The following MEGF6 variants were observed in gnomAD, a reference collection of about 807,000 sequenced individuals.
The protein encoded by MEGF6 is multiple epidermal growth factor-like domains protein 6.
In MEGF6, 184 loss-of-function variants were observed where a neutral mutation model predicts 207.1. The observed-to-expected ratio is 0.89, with a 90% CI of 0.79 to 1.00. The LOEUF is 1.00. MEGF6 is among the 50% of genes least tolerant of loss of function. The probability of loss-of-function intolerance (pLI) is 0.00; values close to 1 mark genes in which losing one functional copy is unlikely to be tolerated. For synonymous variants in MEGF6, 1,038 were observed against 910.0 expected (o/e 1.14, Z -2.53); for missense variants, 2,282 against 2,202.9 (o/e 1.04, Z -0.72).
intron 11 of MEGF6, 141 bp downstream of exon 11, chr1:3,509,729 G>A (rs1641261952): frequency 8.4e-7 from 1 of 1,192,456 alleles, no homozygotes; most frequent in Non-Finnish European, 1.1e-6. Flanking sequence ...AGCCTCTGAG[G>A]TGTGTTGGCC....
chr1:3,618,735 C>T, the MEGF6 span, among the ~76,000 whole-genome samples: 1 of 152,186 alleles, frequency 6.6e-6, no homozygotes, highest in Non-Finnish European at 1.5e-5. This position sits in a 1 kb window ranked among gnomAD's most constrained non-coding sequence, Gnocchi z 4.7. Flanking sequence ...TGCCAGCCCT[C>T]GTACACAGCC....
intron 1 of MEGF6, among the ~76,000 whole-genome samples, chr1:3,604,706 CT>C (rs1644216574): frequency 6.6e-6 from 1 of 152,172 alleles, no homozygotes; most frequent in Non-Finnish European, 1.5e-5. Context: ...CAGTGACCCC[CT>C]GATCTGCTCA....
rs951164248 is a variant in MEGF6, at chr1:3,594,310, T to C, written c.376+1028A>G. On this transcript the variant is annotated intron_variant, in intron 3 of 36. Coordinates refer to ENST00000356575, the MANE Select transcript of MEGF6 (RefSeq NM_001409.4). This position sits in a 1 kb window ranked among gnomAD's most constrained non-coding sequence, Gnocchi z 4.2. ...CAAGCGTGGTGGTGCACACCTACAGTCTCAGCCACTCGGGAGGCTGAGGTG... is the reference window on the plus strand; with the variant it reads ...CAAGCGTGGTGGTGCACACCTACAGCCTCAGCCACTCGGGAGGCTGAGGTG... 3.7e-4 allele frequency among the ~76,000 whole-genome samples: 56 copies of C among 152,304 alleles called. No homozygotes were observed. The highest frequency in any genetic ancestry group is 1.3e-3 in the African/African-American group (55 of 41,566).
chr1:3,601,466 G>A (rs1395934672), intron 2 of MEGF6, among the ~76,000 whole-genome samples: 1 of 152,190 alleles, frequency 6.6e-6, no homozygotes, highest in African/African-American at 2.4e-5. Flanking sequence ...CTGAACCTCA[G>A]CCCTCCTGAG....
chr1:3,493,969 G>T lies in MEGF6; in HGVS notation c.4258+27C>A, dbSNP rs1640488137. 1.9e-6 allele frequency: 3 copies of T among 1,587,380 alleles called. No individual in the cohort carries two copies. The East Asian group carries it at 6.9e-5, about 36-fold the overall frequency. On this transcript the variant is annotated intron_variant, in intron 33 of 36. Coordinates refer to ENST00000356575, the MANE Select transcript of MEGF6 (RefSeq NM_001409.4). ...CAGACGGGACGGGGCCAGGGAGCGG[G>T]GGTTCAGGGAGGCACCAAGCACTCA...
In MEGF6 at chr1:3,610,424, A is replaced by C. The variant is rs113036045; in HGVS notation, c.131+714T>G. On this transcript the variant is annotated intron_variant, in intron 1 of 36. Coordinates refer to ENST00000356575, the MANE Select transcript of MEGF6 (RefSeq NM_001409.4). ...ACCTGGACCTGGCCCTCGCCCACCC[A>C]CCCCTGCCAGCAAGGCCAGGGAGTG... Among the ~76,000 whole-genome samples the C allele has an allele frequency of 2.1e-3, 314 of 149,848 alleles. 2 individuals carry two copies. Among genetic ancestry groups the C allele is most frequent in the African/African-American group, 6.3e-3 (257 of 40,494 alleles).
At chr1:3,502,525 T>C (rs1487333271) in intron 17 of MEGF6, among the ~76,000 whole-genome samples, 3 of 151,660 alleles carry the variant, frequency 2.0e-5, no homozygotes, top group African/African-American at 7.3e-5. Flanking sequence ...CCTTTCCCTG[T>C]GGGATGGGGC....
chr1:3,578,710 G>A (rs1317585034), intron 4 of MEGF6, among the ~76,000 whole-genome samples: 8 of 68,980 alleles, frequency 1.2e-4, no homozygotes, highest in Admixed American at 3.0e-4. Context: ...CCAACTGTCC[G>A]CCTTTCCAAC....
chr1:3,582,531 G>A (rs1489086194), intron 3 of MEGF6, among the ~76,000 whole-genome samples: 1 of 152,148 alleles, frequency 6.6e-6, no homozygotes, highest in Non-Finnish European at 1.5e-5. Context: ...AGCTTCTCCT[G>A]CTCACTCTAT....
rs544850196 is a variant in MEGF6 at position 3,553,450 on chromosome 1, G to C, written c.481+26375C>G. On this transcript the variant is annotated intron_variant, in intron 4 of 36. Coordinates refer to ENST00000356575, the MANE Select transcript of MEGF6 (RefSeq NM_001409.4). ...CCCAGGAGGAAGAGCTGACGAGGAG[G>C]GGGAGCCTCACCATGCAGGATAGAG... is the stretch of plus-strand genomic sequence containing the variant. Among the ~76,000 whole-genome samples, 7 of 152,298 alleles carry C rather than the reference G, an allele frequency of 4.6e-5. No individual in the cohort carries two copies. The South Asian group carries it at 1.4e-3, about 32-fold the overall frequency.
chr1:3,613,167 T>C (rs532424583), upstream of MEGF6, among the ~76,000 whole-genome samples: 4 of 152,256 alleles, frequency 2.6e-5, no homozygotes, highest in Non-Finnish European at 4.4e-5. Flanking sequence ...ACTGCCCTAC[T>C]CTGTCCTACG....
Position 3,501,878 on chromosome 1 carries a change from G to A in MEGF6, c.2232C>T (p.Cys744=), listed in dbSNP as rs751362438. ...GTFGVNCSSS[C]SCGGAPCHGV... is the part of the protein sequence containing the mutation. Reference sequence around the variant, plus strand: ...CGTGGCAGGGGGCCCCCCCACAGGAGCAGGAGCTCGAGCAGTTCACGCCAA... The same window carrying A: ...CGTGGCAGGGGGCCCCCCCACAGGAACAGGAGCTCGAGCAGTTCACGCCAA... The change falls in exon 18 of 37, where the codon TGC becomes TGT. Residue 744 remains cysteine, a synonymous_variant. Coordinates refer to ENST00000356575, the MANE Select transcript of MEGF6 (RefSeq NM_001409.4). 2.9e-5 allele frequency: 47 copies of A among 1,609,058 alleles called. No individual in the cohort carries two copies. The South Asian group carries it at 3.4e-4, about 12-fold the overall frequency.
At chr1:3,510,032 G>A (rs1641279630) in intron 10 of MEGF6, 40 bp from the exon 11 acceptor site, 1 of 1,561,616 alleles carries the variant, frequency 6.4e-7, no homozygotes, top group Non-Finnish European at 8.6e-7. Context: ...GTGCTCCCAG[G>A]TGGGGAACCA....
intron 24 of MEGF6, 110 bp downstream of exon 24, chr1:3,499,028 C>G (rs1640736367): frequency 6.8e-7 from 1 of 1,479,022 alleles, no homozygotes; most frequent in South Asian, 1.3e-5. Context: ...TCAGTCCTAA[C>G]AGCCCCTTCC....
intron 17 of MEGF6, 26 bp from the exon 18 acceptor site, chr1:3,501,947 T>G (rs763666088): frequency 6.8e-7 from 1 of 1,479,118 alleles, no homozygotes; most frequent in Non-Finnish European, 9.0e-7. Flanking sequence ...CGAGGGGCCT[T>G]AGCCGCACCA....
intron 4 of MEGF6, among the ~76,000 whole-genome samples, chr1:3,566,554 A>G (rs1643347944): frequency 6.6e-6 from 1 of 152,154 alleles, no homozygotes; most frequent in Admixed American, 6.5e-5. Flanking sequence ...AGGGCCAGCA[A>G]GCCCCACCTG....
At chr1:3,502,557 C>T (rs1640949197) in intron 17 of MEGF6, among the ~76,000 whole-genome samples, 1 of 152,090 alleles carries the variant, frequency 6.6e-6, no homozygotes, top group Admixed American at 6.5e-5. Context: ...GGGCAGGGGG[C>T]CTCCTGGAGG....
intron 3 of MEGF6, among the ~76,000 whole-genome samples, chr1:3,581,801 A>T (rs950233437): frequency 6.6e-6 from 1 of 151,862 alleles, no homozygotes; most frequent in African/African-American, 2.4e-5. Flanking sequence ...AAAAGCAGCC[A>T]CTCACTGCCT....
intron 4 of MEGF6, among the ~76,000 whole-genome samples, chr1:3,530,432 AC>A (rs1255496467): frequency 1.3e-5 from 2 of 150,504 alleles, no homozygotes; most frequent in East Asian, 3.9e-4. Context: ...CTCCAATTCC[AC>A]CCCCTCCTCC....
Sources: allele counts gnomAD v4.1 joint callset (sites outside exome capture counted in the v4.1 genomes callset), GRCh38; gene constraint gnomAD v4.1.1; non-coding constraint Gnocchi (gnomAD v3.1); transcripts MANE v1.5; gene names NCBI Gene and HGNC (gene_info 2026-07-23, HGNC 2026-07-21).